TET2: variants seen among roughly 807,000 people sequenced by gnomAD.
TET2 encodes methylcytosine dioxygenase TET2.
A neutral mutation model predicts 142.9 loss-of-function variants in TET2; 299 were observed. The observed-to-expected ratio is 2.09, with a 90% CI of 1.90 to 2.30. The LOEUF (loss-of-function observed/expected upper bound fraction) is 2.30, where lower values mean the gene tolerates loss of function less well. TET2 is among the 30% of genes most tolerant of loss of function. TET2 has a pLI of 0.00. For missense variants in TET2, 2,418 were observed against 2,378.0 expected (o/e 1.02, Z -0.35); for synonymous variants, 819 against 849.0 (o/e 0.96, Z 0.61).
chr4:105,173,030 T>A (rs1724564473), intron 1 of TET2, among the ~76,000 whole-genome samples: 1 of 152,122 alleles, frequency 6.6e-6, no homozygotes, highest in Non-Finnish European at 1.5e-5. Context: ...ATTTTAAATA[T>A]CCCTTTAGAG....
intron 6 of TET2, among the ~76,000 whole-genome samples, chr4:105,258,768 C>G (rs1380831842): frequency 3.9e-5 from 6 of 151,988 alleles, no homozygotes; most frequent in Admixed American, 2.0e-4. Context: ...ACAGTGCTAC[C>G]TGAATATTTT....
chr4:105,153,957 A>T (rs1281213544), intron 1 of TET2, among the ~76,000 whole-genome samples: 1 of 152,262 alleles, frequency 6.6e-6, no homozygotes, highest in Non-Finnish European at 1.5e-5. Flanking sequence ...ATATCCATAC[A>T]GTGAAATATT....
intron 1 of TET2, among the ~76,000 whole-genome samples, chr4:105,173,376 A>C (rs941895060): frequency 2.0e-5 from 3 of 151,304 alleles, no homozygotes; most frequent in Non-Finnish European, 3.0e-5. Context: ...AAAAAAAAAA[A>C]AACAAAACTA....
At chr4:105,222,367 C>G (rs888107472) in intron 2 of TET2, among the ~76,000 whole-genome samples, 1 of 152,236 alleles carries the variant, frequency 6.6e-6, no homozygotes, top group African/African-American at 2.4e-5. Flanking sequence ...CACATCCTCT[C>G]CAGCACTTGT....
chr4:105,209,071 A>ATATATATG (rs1727001678), intron 2 of TET2, among the ~76,000 whole-genome samples: 1 of 97,644 alleles, frequency 1.0e-5, no homozygotes, highest in Non-Finnish European at 2.0e-5. Flanking sequence ...ATATATATAT[A>ATATATATG]TATATATATA....
chr4:105,201,187 C>T (rs1396754642), intron 2 of TET2, among the ~76,000 whole-genome samples: 1 of 152,058 alleles, frequency 6.6e-6, no homozygotes, highest in East Asian at 1.9e-4. Flanking sequence ...ATCAAGAGTT[C>T]AATTTAGAAA....
chr4:105,193,172 G>T (rs1013267784), intron 2 of TET2, among the ~76,000 whole-genome samples: 2 of 152,158 alleles, frequency 1.3e-5, no homozygotes, highest in African/African-American at 4.8e-5. Flanking sequence ...GATCCTGAAG[G>T]ACAGGAAGAA....
intron 6 of TET2, among the ~76,000 whole-genome samples, chr4:105,253,216 G>C (rs1022125355): frequency 1.3e-5 from 2 of 152,046 alleles, no homozygotes; most frequent in Non-Finnish European, 2.9e-5. Context: ...TACTTTGTCA[G>C]TATCCTCAAA....
chr4:105,217,795 C>A (rs763089802), intron 2 of TET2, among the ~76,000 whole-genome samples: 6 of 151,938 alleles, frequency 3.9e-5, no homozygotes, highest in Middle Eastern at 3.2e-3. Context: ...GAATCTGTTT[C>A]AATGGTGTTG....
chr4:105,259,426 AT>A (rs1730306357), intron 6 of TET2, among the ~76,000 whole-genome samples, 192 bp from the exon 7 acceptor site: 1 of 152,134 alleles, frequency 6.6e-6, no homozygotes, highest in Non-Finnish European at 1.5e-5. Context: ...ACTTTTCTGT[AT>A]GTGTATTACA....
At chr4:105,268,028 CA>C (rs1259494587) in intron 8 of TET2, among the ~76,000 whole-genome samples, 5 of 152,100 alleles carry the variant, frequency 3.3e-5, no homozygotes, top group African/African-American at 1.2e-4. Context: ...AACAAGACAA[CA>C]ATGTCCATTT....
At chr4:105,244,886 G>A (rs1729511634) in intron 6 of TET2, among the ~76,000 whole-genome samples, 1 of 152,120 alleles carries the variant, frequency 6.6e-6, no homozygotes. Context: ...CGCCGCGCCT[G>A]GCCAGAAATC....
intron 2 of TET2, among the ~76,000 whole-genome samples, chr4:105,209,893 G>A (rs1311328942): frequency 6.6e-6 from 1 of 152,102 alleles, no homozygotes; most frequent in Non-Finnish European, 1.5e-5. Flanking sequence ...GGCTGTTGCG[G>A]TTATCCAGCA....
At chr4:105,203,936 C>T (rs1398029275) in intron 2 of TET2, among the ~76,000 whole-genome samples, 2 of 152,050 alleles carry the variant, frequency 1.3e-5, no homozygotes, top group Non-Finnish European at 2.9e-5. Context: ...TGCAGTGGCT[C>T]ATGCCTGTAA....
chr4:105,219,489 G>A (rs1727688726), intron 2 of TET2, among the ~76,000 whole-genome samples: 1 of 152,102 alleles, frequency 6.6e-6, no homozygotes, highest in Non-Finnish European at 1.5e-5. Context: ...AAATGCTTGT[G>A]TTACAAGGAT....
At chr4:105,155,067 T>A (rs1423667700) in intron 1 of TET2, among the ~76,000 whole-genome samples, 1 of 152,206 alleles carries the variant, frequency 6.6e-6, no homozygotes, top group Non-Finnish European at 1.5e-5. Flanking sequence ...TTTAAATTAC[T>A]ACAAAGTGCA....
chr4:105,172,000 C>G (rs1365849160), intron 1 of TET2, among the ~76,000 whole-genome samples: 1 of 152,086 alleles, frequency 6.6e-6, no homozygotes, highest in Non-Finnish European at 1.5e-5. Flanking sequence ...CTTGGTTTTT[C>G]ATGTGGTACT....
intron 2 of TET2, among the ~76,000 whole-genome samples, chr4:105,200,671 G>GT (rs757546509): frequency 8.0e-5 from 12 of 150,390 alleles, no homozygotes; most frequent in African/African-American, 2.7e-4. Flanking sequence ...TTTTGTTTTT[G>GT]TTTTTTTGGA....
intron 2 of TET2, among the ~76,000 whole-genome samples, chr4:105,192,068 C>A (rs143237622): frequency 6.6e-6 from 1 of 152,070 alleles, no homozygotes; most frequent in South Asian, 2.1e-4. Context: ...TACATGAGAA[C>A]TGAGAGCGCA....
Sources: gnomAD v4.1 joint callset for allele counts (sites outside exome capture counted in the v4.1 genomes callset) on GRCh38, gnomAD v4.1.1 for gene constraint, MANE v1.5 for transcripts, NCBI Gene and HGNC (gene_info 2026-07-23, HGNC 2026-07-21) for gene names.